The following TBC1D9 variants were observed in gnomAD, a reference collection of about 807,000 sequenced individuals.
TBC1D9 encodes the protein TBC1 domain family member 9, also known as TBC1 domain family member 9A.
Under a neutral mutation model 132.0 loss-of-function variants are expected in TBC1D9, and 63 were observed. The ratio of observed to expected loss-of-function variants is 0.48; its 90% CI spans 0.39 to 0.59. The LOEUF (loss-of-function observed/expected upper bound fraction) is 0.59, where lower values mean the gene tolerates loss of function less well. Among genes scored for constraint, TBC1D9 ranks in the 20% least tolerant of loss-of-function variants. The pLI is 0.00. For missense variants in TBC1D9, 1,261 were observed against 1,592.7 expected, an observed-to-expected ratio of 0.79 and a Z score of 3.54; for synonymous variants, 610 against 609.9, an observed-to-expected ratio of 1.00 and a Z score of 0.00.
rs142749969 is a variant in TBC1D9 at position 140,623,884 on chromosome 4, T to C, written c.3078+232A>G. ...TGATTGCAATAAGATGCATTTACTC[T>C]CAAAATGGAATATGTTGTGGTTCAC... is the stretch of plus-strand genomic sequence containing the variant. On this transcript the variant is annotated intron_variant, in intron 20 of 20. Coordinates refer to ENST00000442267, the MANE Select transcript of TBC1D9 (RefSeq NM_015130.3). Among the ~76,000 whole-genome samples, 5 of 152,332 alleles carry C rather than the reference T, an allele frequency of 3.3e-5. No individual in the cohort carries two copies. In the East Asian group the frequency reaches 9.6e-4, roughly 29 times the overall value.
At chr4:140,719,995 C>T (rs895740997) in intron 1 of TBC1D9, among the ~76,000 whole-genome samples, 2 of 152,166 alleles carry the variant, frequency 1.3e-5, no homozygotes, top group Admixed American at 6.5e-5. Context: ...AATTTCTTCA[C>T]CCACTTAATG....
chr4:140,702,058 G>A lies in TBC1D9; in HGVS notation c.131-444C>T, dbSNP rs147387289. Among the ~76,000 whole-genome samples the A allele has an allele frequency of 4.2e-3, 632 of 152,242 alleles. 5 individuals are homozygous for A. Among genetic ancestry groups the A allele is most frequent in the African/African-American group, 0.015 (606 of 41,528 alleles). Reference sequence around the variant, plus strand: ...CTGTGTTTAGAAGTGAGCTAGGGCCGGGAAACAGAGGGATCTTCCCATTTC... The same window carrying A: ...CTGTGTTTAGAAGTGAGCTAGGGCCAGGAAACAGAGGGATCTTCCCATTTC... On this transcript the variant is annotated intron_variant, in intron 1 of 20. Transcript: ENST00000442267.
At chr4:140,657,372 A>G in intron 12 of TBC1D9, 146 bp from the exon 13 acceptor site, 1 of 1,356,660 alleles carries the variant, frequency 7.4e-7, no homozygotes, top group Non-Finnish European at 1.0e-6. Context: ...AAATTCTGTT[A>G]ATTTCTAAAG....
chr4:140,633,613 T>C (rs1380087239), intron 16 of TBC1D9, among the ~76,000 whole-genome samples: 1 of 152,176 alleles, frequency 6.6e-6, no homozygotes, highest in Non-Finnish European at 1.5e-5. Context: ...ATATATAATA[T>C]ATTCAATAAA....
At chr4:140,750,795 T>C (rs2321561) in intron 1 of TBC1D9, among the ~76,000 whole-genome samples, 10,628 of 152,166 alleles carry the variant, frequency 0.07, 1,246 homozygotes, top group African/African-American at 0.24. Context: ...TGTTTTGTTT[T>C]GGTGAGACTT....
intron 15 of TBC1D9, among the ~76,000 whole-genome samples, chr4:140,637,345 G>A (rs1445270715): frequency 4.7e-5 from 7 of 147,728 alleles, no homozygotes; most frequent in South Asian, 2.1e-4. Flanking sequence ...ACGAGACTCC[G>A]TCTCAAAGAA....
intron 13 of TBC1D9, chr4:140,644,917 G>A (rs1051514204): frequency 2.2e-6 from 1 of 446,106 alleles, no homozygotes; most frequent in Non-Finnish European, 4.4e-6. Flanking sequence ...AGGCTGGGTG[G>A]GAACGCAGGG....
rs1333625040 is a variant in TBC1D9 at position 140,657,087 on chromosome 4, C to T, written c.2337+10G>A. On this transcript the variant is annotated intron_variant, in intron 13 of 20. Transcript: ENST00000442267. ...GGTTAAGCCCTGCTCAGCCAGGAGA[C>T]AAGACCTACCTCGTAGGAAGTTCTG... is the stretch of plus-strand genomic sequence containing the variant. 6 of 1,612,626 alleles carry T rather than the reference C, an allele frequency of 3.7e-6. No homozygotes were observed. The African/African-American group carries it at 6.7e-5, about 18-fold the overall frequency.
At chr4:140,745,196 T>C (rs76229590) in intron 1 of TBC1D9, among the ~76,000 whole-genome samples, 4,032 of 152,306 alleles carry the variant, frequency 0.026, 168 homozygotes, top group African/African-American at 0.09. Flanking sequence ...CTTGGACACC[T>C]TGGACATGTT....
chr4:140,702,992 T>C (rs1371652108), intron 1 of TBC1D9, among the ~76,000 whole-genome samples: 1 of 152,208 alleles, frequency 6.6e-6, no homozygotes, highest in African/African-American at 2.4e-5. Context: ...AGGATTGTTT[T>C]TGAAGACTGA....
At chr4:140,752,280 A>G (rs80294098) in intron 1 of TBC1D9, among the ~76,000 whole-genome samples, 4 of 152,338 alleles carry the variant, frequency 2.6e-5, no homozygotes, top group Non-Finnish European at 5.9e-5. Flanking sequence ...CAACAAAATG[A>G]ATATCACATA....
chr4:140,621,991 C>T lies in TBC1D9; in HGVS notation c.*204G>A. ...TGTATTCTGGTAAATCCCCTCCCCG[C>T]AACAAGAGTGTAATGTACCTACATT... is the stretch of plus-strand genomic sequence containing the variant. On this transcript the variant is annotated 3_prime_UTR_variant, in exon 21 of 21. Coordinates refer to ENST00000442267, the MANE Select transcript of TBC1D9 (RefSeq NM_015130.3). The T allele has an allele frequency of 1.6e-6, 1 of 638,518 alleles. No homozygotes were observed. Among genetic ancestry groups the T allele is most frequent in the Non-Finnish European group, 2.3e-6 (1 of 425,734 alleles). The allele number at this position is 638,518 out of a possible 1,614,324, so 39.6% of individuals were successfully genotyped here. A position where few individuals can be genotyped will look rare whatever the true frequency, so the allele number is the denominator to read the frequency against.
rs147251170 is a variant in TBC1D9, at chr4:140,639,446, T to C, written c.2338-18A>G. 4.5e-6 allele frequency: 7 copies of C among 1,567,860 alleles called. No homozygotes were observed. Among genetic ancestry groups the C allele is most frequent in the East Asian group, 2.3e-5 (1 of 44,342 alleles). On this transcript the variant is annotated intron_variant, in intron 13 of 20. Transcript: ENST00000442267. ...CCGAATTTCTGTAAAGGAGCAATAT[T>C]GGTGTCTCTGAAAAAATCTCTTACA...
chr4:140,747,936 A>C (rs1738862344), intron 1 of TBC1D9, among the ~76,000 whole-genome samples: 1 of 152,216 alleles, frequency 6.6e-6, no homozygotes, highest in Non-Finnish European at 1.5e-5. Context: ...CAACTGGCAG[A>C]AAAAATTTTT....
In TBC1D9 at chr4:140,627,628, C is replaced by A. The variant is rs959042889; in HGVS notation, c.2813-101G>T. The A allele has an allele frequency of 2.4e-5, 19 of 802,252 alleles. No homozygotes were observed. The Admixed American group carries it at 4.0e-4, about 17-fold the overall frequency. 49.7% of individuals were successfully genotyped at this position (802,252 alleles called of 1,614,324 possible). On this transcript the variant is annotated intron_variant, in intron 17 of 20. Transcript: ENST00000442267. ...AAATGACATAAGTGGGGATGAAAAG[C>A]TAAAGTTACAAAGGTGGGATGGGGC...
rs76757866 is a variant in TBC1D9, at chr4:140,695,996, T to A, written c.241+5508A>T. On this transcript the variant is annotated intron_variant, in intron 2 of 20. Coordinates refer to ENST00000442267, the MANE Select transcript of TBC1D9 (RefSeq NM_015130.3). ...TTGTAGGCTAGAATTGTTGACATAA[T>A]GGCATATTAGCCAAAAAGAATAAAA... 1.6e-3 allele frequency among the ~76,000 whole-genome samples: 251 copies of A among 152,338 alleles called. 4 individuals carry two copies. In the East Asian group the frequency reaches 0.039, roughly 24 times the overall value.
At chr4:140,749,823 C>A (rs1261998376) in intron 1 of TBC1D9, among the ~76,000 whole-genome samples, 1 of 152,054 alleles carries the variant, frequency 6.6e-6, no homozygotes, top group African/African-American at 2.4e-5. Flanking sequence ...CTATTCTAAC[C>A]ATAAGAATGA....
chr4:140,668,893 G>A, intron 9 of TBC1D9, 24 bp downstream of exon 9: 2 of 1,611,708 alleles, frequency 1.2e-6, no homozygotes, highest in African/African-American at 1.3e-5. Context: ...TTTGACGCCA[G>A]CATTCCCAGC....
At chr4:140,661,559 A>G (rs1382622562) in intron 10 of TBC1D9, among the ~76,000 whole-genome samples, 1 of 152,194 alleles carries the variant, frequency 6.6e-6, no homozygotes, top group Non-Finnish European at 1.5e-5. Flanking sequence ...GAATCCAGGA[A>G]GGTCTCCTCC....
Sources: gnomAD v4.1 joint callset for allele counts (sites outside exome capture counted in the v4.1 genomes callset) on GRCh38, gnomAD v4.1.1 for gene constraint, MANE v1.5 for transcripts, NCBI Gene and HGNC (gene_info 2026-07-23, HGNC 2026-07-21) for gene names.